The following ST6GALNAC3 variants were observed in gnomAD, a reference collection of about 807,000 sequenced individuals.
ST6GALNAC3 encodes the protein ST6 N-acetylgalactosaminide alpha-2,6-sialyltransferase 3.
Under a neutral mutation model 32.7 loss-of-function variants are expected in ST6GALNAC3, and 25 were observed. The ratio of observed to expected loss-of-function variants is 0.76; its 90% CI spans 0.56 to 1.07. The LOEUF is 1.07. ST6GALNAC3 is among the 50% of genes least tolerant of loss of function. The pLI is 0.00. For synonymous variants in ST6GALNAC3, 129 were observed against 133.1 expected (o/e 0.97, Z 0.21); for missense variants, 355 against 382.4 (o/e 0.93, Z 0.60).
chr1:76,188,148 G>A (rs1350727517), intron 1 of ST6GALNAC3, among the ~76,000 whole-genome samples: 2 of 152,144 alleles, frequency 1.3e-5, no homozygotes, highest in East Asian at 1.9e-4. Context: ...TGGATCACGA[G>A]GTCAGGAGTT....
At chr1:76,374,992 A>G (rs1651109600) in intron 2 of ST6GALNAC3, among the ~76,000 whole-genome samples, 1 of 152,212 alleles carries the variant, frequency 6.6e-6, no homozygotes, top group Non-Finnish European at 1.5e-5. Flanking sequence ...ATTGAGCTAT[A>G]CCTGCTGTTC....
At chr1:76,620,766 G>C (rs1648591088) in intron 3 of ST6GALNAC3, among the ~76,000 whole-genome samples, 1 of 152,092 alleles carries the variant, frequency 6.6e-6, no homozygotes, top group East Asian at 1.9e-4. Flanking sequence ...ATATGAATTT[G>C]GGGGAACAAA....
rs1325582921 is a variant in ST6GALNAC3 at position 76,123,490 on chromosome 1, GCCCAGAGAGGAGCGTCCACT to G, written c.18+48608_18+48627del. 2.0e-5 allele frequency among the ~76,000 whole-genome samples: 3 copies of G among 152,020 alleles called. No individual in the cohort carries two copies. In the East Asian group the frequency reaches 5.8e-4, roughly 29 times the overall value. On this transcript the variant is annotated intron_variant, in intron 1 of 4. Transcript: ENST00000328299. ...AATGGGAAGAGTAGGAAGCACAGCT[GCCCAGAGAGGAGCGTCCACT>G]CTAAGTGAGTGTGTGAGTGCATTTT... is the stretch of plus-strand genomic sequence containing the variant.
At chr1:76,249,950 G>T (rs947783540) in intron 1 of ST6GALNAC3, among the ~76,000 whole-genome samples, 3 of 152,052 alleles carry the variant, frequency 2.0e-5, no homozygotes, top group Non-Finnish European at 4.4e-5. Context: ...TGAGTTGTTT[G>T]TCTTTTTTAA....
intron 1 of ST6GALNAC3, among the ~76,000 whole-genome samples, chr1:76,236,412 A>C (rs1656663487): frequency 2.0e-5 from 3 of 152,200 alleles, no homozygotes; most frequent in African/African-American, 7.2e-5. Context: ...AATGAGTACA[A>C]AAATTGCTAT....
chr1:76,116,404 G>A (rs578024875), intron 1 of ST6GALNAC3, among the ~76,000 whole-genome samples: 101 of 152,010 alleles, frequency 6.6e-4, no homozygotes, highest in Middle Eastern at 3.4e-3. Context: ...GCTCCCTTCC[G>A]CATTCTGGAA....
At chr1:76,595,455 C>T (rs891159037) in intron 3 of ST6GALNAC3, among the ~76,000 whole-genome samples, 2 of 152,116 alleles carry the variant, frequency 1.3e-5, no homozygotes, top group Non-Finnish European at 2.9e-5. Flanking sequence ...GCACCCTTTC[C>T]CTGTAATTTC....
intron 1 of ST6GALNAC3, among the ~76,000 whole-genome samples, chr1:76,095,908 A>G (rs1314251129): frequency 6.6e-6 from 1 of 152,172 alleles, no homozygotes; most frequent in East Asian, 1.9e-4. Context: ...GCCCTCGGAC[A>G]TGCCCTTTTA....
intron 2 of ST6GALNAC3, among the ~76,000 whole-genome samples, chr1:76,405,405 A>G (rs1653752973): frequency 1.3e-5 from 2 of 152,132 alleles, no homozygotes; most frequent in African/African-American, 4.8e-5. Context: ...ATATTACATT[A>G]TTCTTACTGA....
At chr1:76,238,745 G>GA (rs1656801127) in intron 1 of ST6GALNAC3, among the ~76,000 whole-genome samples, 1 of 152,140 alleles carries the variant, frequency 6.6e-6, no homozygotes, top group Non-Finnish European at 1.5e-5. Flanking sequence ...TTCTCAGGTG[G>GA]AAGAGTTGAA....
chr1:76,421,900 G>C (rs1219992105), intron 3 of ST6GALNAC3, among the ~76,000 whole-genome samples: 13 of 151,984 alleles, frequency 8.6e-5, no homozygotes, highest in Admixed American at 8.5e-4. Flanking sequence ...CGTGTTTACA[G>C]TGACTTCCAA....
Position 76,623,907 on chromosome 1 carries a change from T to C in ST6GALNAC3, c.624-3545T>C, listed in dbSNP as rs142377739. Among the ~76,000 whole-genome samples, 7 of 152,022 alleles carry C rather than the reference T, an allele frequency of 4.6e-5. No individual in the cohort carries two copies. In the East Asian group the frequency reaches 1.2e-3, roughly 25 times the overall value. On this transcript the variant is annotated intron_variant, in intron 3 of 4. Transcript: ENST00000328299. The stretch of plus-strand genomic sequence containing the variant: ...TCTAGGGACCCAGATTACTAGGCAT[T>C]TATTTGGAAGAATTCCTGGATTCAT...
chr1:76,406,036 A>G (rs528642277), intron 2 of ST6GALNAC3, among the ~76,000 whole-genome samples: 1 of 152,002 alleles, frequency 6.6e-6, no homozygotes, highest in Non-Finnish European at 1.5e-5. Flanking sequence ...TTTCAGAACA[A>G]TTCATTTGTA....
intron 3 of ST6GALNAC3, among the ~76,000 whole-genome samples, chr1:76,602,504 A>C (rs548583885): frequency 6.6e-6 from 1 of 152,248 alleles, no homozygotes; most frequent in South Asian, 2.1e-4. Context: ...TTTTGTTTGT[A>C]ATTTGTTAGT....
At chr1:76,403,423 A>C (rs546423974) in intron 2 of ST6GALNAC3, among the ~76,000 whole-genome samples, 23 of 152,110 alleles carry the variant, frequency 1.5e-4, no homozygotes, top group African/African-American at 5.1e-4. Flanking sequence ...ATTCAAATTT[A>C]TTGTTTTGTT....
At chr1:76,341,363 C>T (rs1023312539) in intron 2 of ST6GALNAC3, among the ~76,000 whole-genome samples, 8 of 151,966 alleles carry the variant, frequency 5.3e-5, no homozygotes, top group Admixed American at 2.0e-4. Flanking sequence ...TAGCTTCATC[C>T]GTATTGTTGC....
intron 2 of ST6GALNAC3, among the ~76,000 whole-genome samples, chr1:76,401,464 C>T (rs371245055): frequency 8.5e-5 from 13 of 152,124 alleles, no homozygotes; most frequent in African/African-American, 3.1e-4. Context: ...TTGTTTTAGT[C>T]TATATCCTGT....
intron 2 of ST6GALNAC3, among the ~76,000 whole-genome samples, chr1:76,376,691 A>T (rs542515917): frequency 8.5e-5 from 13 of 152,292 alleles, no homozygotes; most frequent in African/African-American, 3.1e-4. Context: ...GCACTCCACA[A>T]ATCTGATTTT....
At chr1:76,479,345 T>C (rs952658697) in intron 3 of ST6GALNAC3, among the ~76,000 whole-genome samples, 3 of 152,362 alleles carry the variant, frequency 2.0e-5, no homozygotes, top group Admixed American at 6.5e-5. Flanking sequence ...AAGATTCCCC[T>C]GAGTGTGTAT....
Sources: allele counts gnomAD v4.1 joint callset (sites outside exome capture counted in the v4.1 genomes callset), GRCh38; gene constraint gnomAD v4.1.1; transcripts MANE v1.5; gene names NCBI Gene and HGNC (gene_info 2026-07-23, HGNC 2026-07-21).